Variants in CARD14 observed in about 807,000 individuals in gnomAD.
CARD14 encodes caspase recruitment domain-containing protein 14.
Under a neutral mutation model 111.5 loss-of-function variants are expected in CARD14, and 107 were observed. That is an observed-to-expected ratio of 0.96 (90% CI 0.82 to 1.13). The LOEUF (loss-of-function observed/expected upper bound fraction) is 1.13, where lower values mean the gene tolerates loss of function less well. Among genes scored for constraint, CARD14 ranks in the 50% most tolerant of loss-of-function variants. CARD14 has a pLI of 0.00. For synonymous variants in CARD14, 617 were observed against 579.6 expected (o/e 1.06, Z -0.93); for missense variants, 1,322 against 1,362.3 (o/e 0.97, Z 0.47).
intron 20 of CARD14, 113 bp downstream of exon 20, chr17:80,204,454 G>A: frequency 9.7e-7 from 1 of 1,028,520 alleles, no homozygotes; most frequent in South Asian, 1.8e-5. Context: ...TTTAGGCCAG[G>A]ATCTGGTCTT....
chr17:80,208,105 T>C (rs1193296669), intron 23 of CARD14, 33 bp from the exon 24 acceptor site: 2 of 1,347,958 alleles, frequency 1.5e-6, no homozygotes, highest in Admixed American at 2.2e-5. Flanking sequence ...TGCTCTCCCC[T>C]GAGCCCGCCC....
rs1320519724 is a variant in CARD14, at chr17:80,208,390, G to C, written c.*45G>C. On this transcript the variant is annotated 3_prime_UTR_variant, in exon 24 of 24. Coordinates refer to ENST00000648509, the MANE Select transcript of CARD14 (RefSeq NM_001366385.1). ...GGACTGTGGGGGCTTCTGTGTGCCT[G>C]TTAATGCAGTCCTGTTCCTCAGCCC... 2.7e-6 allele frequency: 4 copies of C among 1,487,722 alleles called. No homozygotes were observed. In the Admixed American group the frequency reaches 8.0e-5, roughly 30 times the overall value. The allele number at this position is 1,487,722 out of a possible 1,614,324, so 92.2% of individuals were successfully genotyped here.
At chr17:80,175,961 T>TG in intron 2 of CARD14, among the ~76,000 whole-genome samples, 2 of 23,206 alleles carry the variant, frequency 8.6e-5, no homozygotes, top group Non-Finnish European at 1.9e-4. Flanking sequence ...CGTTTTTTTT[T>TG]TTTTTTTTTT....
At position 80,171,676 on chromosome 17, in the gene CARD14, G is replaced by A. The variant is rs775244485; in HGVS notation, c.-689-1230G>A. On this transcript the variant is annotated intron_variant, in intron 1 of 23. Transcript: ENST00000648509. The stretch of plus-strand genomic sequence containing the variant: ...CCACTGATGCTTGAAGTTCAGTGTG[G>A]CTCTGGGGGCTCCAGAAGCCTGAGG... Among the ~76,000 whole-genome samples the A allele has an allele frequency of 2.5e-4, 38 of 152,162 alleles. 1 individual carries two copies. The highest frequency in any genetic ancestry group is 3.9e-4 in the Admixed American group (6 of 15,276).
Position 80,203,629 on chromosome 17 carries a change from T to C in CARD14, c.2220-193T>C, listed in dbSNP as rs1311677869. The stretch of plus-strand genomic sequence containing the variant: ...GGGTGGGCCGAGGCCCTGGAGTCTT[T>C]TGAAAGCTCTGGAGACTGGCATGGC... On this transcript the variant is annotated intron_variant, in intron 18 of 23. Transcript: ENST00000648509. This position sits in a 1 kb window ranked among gnomAD's most constrained non-coding sequence, Gnocchi z 4.6. The C allele has an allele frequency of 7.6e-6, 4 of 522,920 alleles. No individual in the cohort carries two copies. The highest frequency in any genetic ancestry group is 2.0e-5 in the African/African-American group (1 of 50,840). 32.4% of individuals were successfully genotyped at this position (522,920 alleles called of 1,614,324 possible). A position where few individuals can be genotyped will look rare whatever the true frequency, so the allele number is the denominator to read the frequency against.
At chr17:80,174,171 A>G (rs548091497) in intron 2 of CARD14, among the ~76,000 whole-genome samples, 1 of 152,236 alleles carries the variant, frequency 6.6e-6, no homozygotes, top group African/African-American at 2.4e-5. Context: ...CCCATTCTCC[A>G]CAAAACGGAA....
chr17:80,189,953 T>TTCC lies in CARD14; in HGVS notation c.963+83_963+85dup. The TTCC allele has an allele frequency of 2.1e-5, 31 of 1,509,550 alleles. 2 individuals are homozygous for TTCC. In the South Asian group the frequency reaches 4.0e-4, roughly 20 times the overall value. The allele number at this position is 1,509,550 out of a possible 1,614,324, so 93.5% of individuals were successfully genotyped here. ...CGGACAGGTCTGTGGGGAAGCCAGA[T>TTCC]TCCTTCATCCACGCCGAGCTCACAT... is the stretch of plus-strand genomic sequence containing the variant. On this transcript the variant is annotated intron_variant, in intron 9 of 23. Transcript: ENST00000648509. This position sits in a 1 kb window ranked among gnomAD's most constrained non-coding sequence, Gnocchi z 4.7.
rs370220621 is a variant in CARD14 at position 80,182,532 on chromosome 17, G to T, written c.212-121G>T. ...ACCCAGAAAACCGCTTTCACCTCCC[G>T]ATTCTTACATGTGCGGGGGGTTTCC... On this transcript the variant is annotated intron_variant, in intron 5 of 23. Coordinates refer to ENST00000648509, the MANE Select transcript of CARD14 (RefSeq NM_001366385.1). This position sits in a 1 kb window ranked among gnomAD's most constrained non-coding sequence, Gnocchi z 4.7. 8.2e-7 allele frequency: 1 copy of T among 1,214,122 alleles called. No homozygotes were observed. Among genetic ancestry groups the T allele is most frequent in the South Asian group, 1.5e-5 (1 of 67,960 alleles). 75.2% of individuals were successfully genotyped at this position (1,214,122 alleles called of 1,614,324 possible).
Position 80,202,198 on chromosome 17 carries a change from A to G in CARD14, c.1997A>G (p.Gln666Arg), listed in dbSNP as rs761312685. ...VNTDGYKRLL[Q>R]DLEAKVATSG... ...TTATCAGGTTATAAGAGGCTACTCC[A>G]GGACCTGGAGGCCAAAGTGGCGACC... is the stretch of plus-strand genomic sequence containing the variant. Residue 666 changes from glutamine (Q) to arginine (R), a missense_variant, in exon 18 of 24, where the codon CAG becomes CGG. Physicochemically the swap from Gln to Arg is conservative, Grantham distance 43. Transcript: ENST00000648509. The G allele has an allele frequency of 9.3e-6, 15 of 1,613,856 alleles. No individual in the cohort carries two copies. The highest frequency in any genetic ancestry group is 1.2e-5 in the Non-Finnish European group (14 of 1,179,948).
At position 80,201,440 on chromosome 17, in the gene CARD14, C is replaced by CTTTCTTTTCT. The variant is rs3217504; in HGVS notation, c.1852-290_1852-281dup. The CTTTCTTTTCT allele has an allele frequency of 4.3e-5, 16 of 369,632 alleles. No homozygotes were observed. Among genetic ancestry groups the CTTTCTTTTCT allele is most frequent in the South Asian group, 7.9e-5 (3 of 37,898 alleles). The allele number at this position is 369,632 out of a possible 1,614,324, so 22.9% of individuals were successfully genotyped here. ...TCTTGAATGTTCTAGAACCGAGGTT[C>CTTTCTTTTCT]TTTCTTTTCTTTTCTTTTCTTTTTC... On this transcript the variant is annotated intron_variant, in intron 16 of 23. Coordinates refer to ENST00000648509, the MANE Select transcript of CARD14 (RefSeq NM_001366385.1). The surrounding 1 kb of genome is among the most constrained non-coding windows in gnomAD (Gnocchi z 5.0).
At position 80,188,469 on chromosome 17, in the gene CARD14, C is replaced by A; in HGVS notation, c.768C>A (p.Asp256Glu). Residue 256 changes from aspartate to glutamate, a missense_variant, in exon 8 of 24, where the codon GAC (aspartate) becomes GAA (glutamate). Transcript: ENST00000648509. The surrounding 1 kb of genome is among the most constrained non-coding windows in gnomAD (Gnocchi z 4.5). ...AGCAGTCCCTGAGGACAGCCAGCGACCAGGAGTCCGGGGATGAGGAGCTGA... is the reference window on the plus strand; with the variant it reads ...AGCAGTCCCTGAGGACAGCCAGCGAACAGGAGTCCGGGGATGAGGAGCTGA... ...LQEQSLRTAS[D>E]QESGDEELNR... The A allele has an allele frequency of 6.3e-7, 1 of 1,598,608 alleles. No individual in the cohort carries two copies. The highest frequency in any genetic ancestry group is 8.5e-7 in the Non-Finnish European group (1 of 1,173,414).
chr17:80,195,857 G>A lies in CARD14; in HGVS notation c.1594+205G>A, dbSNP rs2040696497. On this transcript the variant is annotated intron_variant, in intron 14 of 23. Transcript: ENST00000648509. This position sits in a 1 kb window ranked among gnomAD's most constrained non-coding sequence, Gnocchi z 4.7. ...CCAGCGTAAGCCAAAGGCCGGCTGC[G>A]CTCTGTCTGCTGGTGTCCTTGTGTT... The A allele has an allele frequency of 1.2e-5, 7 of 573,820 alleles. No homozygotes were observed. The highest frequency in any genetic ancestry group is 6.4e-5 in the Admixed American group (2 of 31,402). The allele number at this position is 573,820 out of a possible 1,614,324, so 35.5% of individuals were successfully genotyped here.
intron 14 of CARD14, 145 bp from the exon 15 acceptor site, chr17:80,197,954 C>A: frequency 1.4e-6 from 1 of 739,972 alleles, no homozygotes; most frequent in East Asian, 2.6e-5. Flanking sequence ...GGAGAAGGGG[C>A]TGAGGTTACA....
At chr17:80,181,204 C>A (rs556247724) in intron 4 of CARD14, among the ~76,000 whole-genome samples, 1 of 152,140 alleles carries the variant, frequency 6.6e-6, no homozygotes, top group African/African-American at 2.4e-5. Context: ...CAGGTGGGGC[C>A]GTGGCACTCA....
At position 80,202,245 on chromosome 17, in the gene CARD14, C is replaced by T. The variant is rs117918077; in HGVS notation, c.2044C>T (p.Arg682Trp). The change falls in exon 18 of 24, where the codon CGG (arginine) becomes TGG (tryptophan). Residue 682 changes from arginine to tryptophan, a missense_variant. Coordinates refer to ENST00000648509, the MANE Select transcript of CARD14 (RefSeq NM_001366385.1). Reference sequence around the variant, plus strand: ...GACCTCGGGGGACTCATTCTACATCCGGGTCAACCTGGCCATGGAGGGCAG... The same window carrying T: ...GACCTCGGGGGACTCATTCTACATCTGGGTCAACCTGGCCATGGAGGGCAG... ...VATSGDSFYIRVNLAMEGRAK... is the reference protein window; with the variant it reads ...VATSGDSFYIWVNLAMEGRAK... 0.014 allele frequency: 22,721 copies of T among 1,614,026 alleles called. 213 individuals are homozygous for T. Among genetic ancestry groups the T allele is most frequent in the Middle Eastern group, 0.041 (248 of 6,062 alleles).
intron 22 of CARD14, among the ~76,000 whole-genome samples, chr17:80,206,262 C>T (rs1044037152): frequency 7.2e-5 from 11 of 152,044 alleles, no homozygotes; most frequent in Non-Finnish European, 1.3e-4. Context: ...CCCAGGAGTT[C>T]AAGACCAGCC....
rs1473979192 is a variant in CARD14, at chr17:80,191,376, G to A, written c.1143G>A (p.Glu381=). Residue 381 remains glutamate, a synonymous_variant, in exon 11 of 24, where the codon GAG becomes GAA. Transcript: ENST00000648509. The part of the protein sequence containing the change: ...AQREISQSLV[E]KDSLRRQVFE... Reference sequence around the variant, plus strand: ...GGGAGATTTCCCAGAGCCTGGTGGAGAAGGACTCCCTCCGCAGGCAGGTGT... The same window carrying A: ...GGGAGATTTCCCAGAGCCTGGTGGAAAAGGACTCCCTCCGCAGGCAGGTGT... The A allele has an allele frequency of 6.2e-7, 1 of 1,613,956 alleles. No individual in the cohort carries two copies. The highest frequency in any genetic ancestry group is 1.7e-5 in the Admixed American group (1 of 60,028).
At chr17:80,174,625 T>A (rs781467046) in intron 2 of CARD14, among the ~76,000 whole-genome samples, 1 of 152,170 alleles carries the variant, frequency 6.6e-6, no homozygotes, top group East Asian at 1.9e-4. Context: ...AAGAATCTTC[T>A]TATTTGGCTG....
intron 2 of CARD14, among the ~76,000 whole-genome samples, chr17:80,176,806 A>G (rs1156740198): frequency 2.0e-5 from 3 of 152,230 alleles, no homozygotes; most frequent in Admixed American, 2.0e-4. Context: ...GCAGAGGATC[A>G]TTCTGACTTG....
Sources: allele counts gnomAD v4.1 joint callset (sites outside exome capture counted in the v4.1 genomes callset), GRCh38; gene constraint gnomAD v4.1.1; non-coding constraint Gnocchi (gnomAD v3.1); transcripts MANE v1.5; gene names NCBI Gene and HGNC (gene_info 2026-07-23, HGNC 2026-07-21).